The following ANKRD54 variants were observed in gnomAD, a reference collection of about 807,000 sequenced individuals.
ANKRD54 encodes the protein ankyrin repeat domain 54, also known as ankyrin repeat domain-containing protein 54.
ANKRD54 carries 26 observed loss-of-function variants against 36.2 expected under a neutral mutation model. The ratio of observed to expected loss-of-function variants is 0.72; its 90% CI spans 0.53 to 1.00. ANKRD54 has a LOEUF of 1.00. ANKRD54 is among the 50% of genes least tolerant of loss of function. ANKRD54 has a pLI of 0.00. For synonymous variants in ANKRD54, 209 were observed against 188.4 expected (o/e 1.11, Z -0.89); for missense variants, 384 against 424.3 (o/e 0.91, Z 0.83).
chr22:37,845,960 G>C (rs916034478), upstream of ANKRD54, among the ~76,000 whole-genome samples: 5 of 152,044 alleles, frequency 3.3e-5, no homozygotes, highest in African/African-American at 1.2e-4. Context: ...AGATCACGAG[G>C]TCAGGAGATT....
chr22:37,845,021 CAA>C (rs10600027), upstream of ANKRD54, among the ~76,000 whole-genome samples: 1,212 of 119,026 alleles, frequency 0.01, 10 homozygotes, highest in African/African-American at 0.015. Context: ...TCAATGAACG[CAA>C]AAAAAAAAAA....
intron 3 of ANKRD54, 30 bp downstream of exon 3, chr22:37,838,470 C>A (rs1158028916): frequency 6.3e-7 from 1 of 1,590,056 alleles, no homozygotes; most frequent in Non-Finnish European, 8.6e-7. Context: ...CTTGCCTAGC[C>A]CTACTCCCTC....
At chr22:37,833,602 G>C in intron 4 of ANKRD54, 82 bp downstream of exon 4, 1 of 1,452,954 alleles carries the variant, frequency 6.9e-7, no homozygotes, top group Non-Finnish European at 9.6e-7. Flanking sequence ...TCTGCCAGGA[G>C]CATGCCGGGC....
chr22:37,833,955 G>C, intron 3 of ANKRD54, 200 bp from the exon 4 acceptor site: 1 of 569,358 alleles, frequency 1.8e-6, no homozygotes, highest in Non-Finnish European at 3.2e-6. Flanking sequence ...CAGGAACTGA[G>C]GATTTGGGGA....
intron 3 of ANKRD54, among the ~76,000 whole-genome samples, chr22:37,835,154 G>C (rs1923370448): frequency 6.6e-6 from 1 of 151,928 alleles, no homozygotes; most frequent in Non-Finnish European, 1.5e-5. Context: ...TCGGAGGTCA[G>C]GAGTTCGAGA....
rs1924063334 is a variant in ANKRD54, at chr22:37,840,296, T to C, written c.329-62A>G. On this transcript the variant is annotated intron_variant, in intron 1 of 7. Transcript: ENST00000215941. The stretch of plus-strand genomic sequence containing the variant: ...AGCCATGGCTGGGTGCGGTGGCTCA[T>C]GCCTATAATCCCAGCACTCTGGGAG... The C allele has an allele frequency of 1.4e-5, 22 of 1,580,050 alleles. 3 individuals are homozygous for C. In the South Asian group the frequency reaches 2.3e-4, roughly 17 times the overall value.
In ANKRD54 at chr22:37,833,159, C is replaced by T; in HGVS notation, c.595G>A (p.Gly199Arg). ...VPVITTLLRGGARVDALDRAG... is the reference protein window; with the variant it reads ...VPVITTLLRGRARVDALDRAG... ...ACAGAGAGGGGAAGAAACCACATAC[C>T]TCCTCGTAGCAGTGTGGTGATGACA... Residue 199 changes from glycine (G) to arginine (R), a missense_variant and splice_region_variant, in exon 5 of 8, where the codon GGG becomes AGG. This residue lies in a region of ANKRD54 where 179 missense variants were observed against 224.0 expected (regional missense o/e 0.80). Transcript: ENST00000215941. 1 of 1,613,848 alleles carries T rather than the reference C, an allele frequency of 6.2e-7. No homozygotes were observed. Among genetic ancestry groups the T allele is most frequent in the Non-Finnish European group, 8.5e-7 (1 of 1,179,998 alleles).
rs1261865804 is a variant in ANKRD54 at position 37,832,888 on chromosome 22, T to C, written c.720+70A>G. ...AGCCCTGGGACCAGAGGCAGGTGTG[T>C]CTGTGGTTAGGGCAGCATCTGTCCA... is the stretch of plus-strand genomic sequence containing the variant. On this transcript the variant is annotated intron_variant, in intron 6 of 7. Transcript: ENST00000215941. The C allele has an allele frequency of 1.9e-6, 3 of 1,605,892 alleles. No homozygotes were observed. The African/African-American group carries it at 4.0e-5, about 21-fold the overall frequency.
chr22:37,833,634 GC>G, intron 4 of ANKRD54, 49 bp downstream of exon 4: 1 of 1,599,174 alleles, frequency 6.3e-7, no homozygotes, highest in Non-Finnish European at 8.6e-7. Context: ...CATCTAAAGA[GC>G]CTTTCTTTGC....
chr22:37,838,551 T>C lies in ANKRD54; in HGVS notation c.424A>G (p.Lys142Glu). The C allele has an allele frequency of 1.2e-6, 2 of 1,611,806 alleles. No individual in the cohort carries two copies. The highest frequency in any genetic ancestry group is 1.7e-6 in the Non-Finnish European group (2 of 1,179,262). ...DGADPCAADD[K>E]GRTALHFASC... ...GCAAAGTGTAGAGCTGTGCGGCCCTTGTCATCAGCTGCACAGGGATCCGCG... is the reference window on the plus strand; with the variant it reads ...GCAAAGTGTAGAGCTGTGCGGCCCTCGTCATCAGCTGCACAGGGATCCGCG... Residue 142 changes from lysine to glutamate, a missense_variant, in exon 3 of 8, where the codon AAG becomes GAG. By Grantham distance (56) the Lys-to-Glu change is moderately conservative (BLOSUM62 1). Coordinates refer to ENST00000215941, the MANE Select transcript of ANKRD54 (RefSeq NM_138797.4).
intron 2 of ANKRD54, among the ~76,000 whole-genome samples, chr22:37,839,955 G>T (rs1924016940): frequency 6.6e-6 from 1 of 152,248 alleles, no homozygotes; most frequent in African/African-American, 2.4e-5. Flanking sequence ...TCCACAGGGT[G>T]GTAAATGCTA....
At chr22:37,843,888 C>T in intron 1 of ANKRD54, 23 bp downstream of exon 1, 2 of 1,212,070 alleles carry the variant, frequency 1.7e-6, no homozygotes, top group South Asian at 3.8e-5. Context: ...GCCCCGGGCC[C>T]CCGCGCCGCT....
chr22:37,847,170 C>CT (rs796315633), upstream of ANKRD54, among the ~76,000 whole-genome samples: 664 of 133,178 alleles, frequency 5.0e-3, 7 homozygotes, highest in African/African-American at 0.015. Flanking sequence ...TTTCTTTTTT[C>CT]TTTTTTTTTT....
At chr22:37,841,557 C>CAA (rs1555911808) in intron 1 of ANKRD54, among the ~76,000 whole-genome samples, 5,029 of 148,568 alleles carry the variant, frequency 0.034, 286 homozygotes, top group African/African-American at 0.087. Context: ...CACACACACA[C>CAA]AAAAAACATA....
chr22:37,847,828 GAAGA>G (rs376512030), upstream of ANKRD54: 668 of 415,450 alleles, frequency 1.6e-3, 1 homozygote, highest in African/African-American at 0.013. Context: ...ACAGCACAAG[GAAGA>G]AACACAAAAC....
At chr22:37,846,340 A>G (rs188650168), upstream of ANKRD54, among the ~76,000 whole-genome samples, 74 of 152,234 alleles carry the variant, frequency 4.9e-4, no homozygotes, top group African/African-American at 1.7e-3. Flanking sequence ...CAGTGCTGAG[A>G]CAGGATCTCT....
At chr22:37,843,377 G>T (rs967466055) in intron 1 of ANKRD54, among the ~76,000 whole-genome samples, 1 of 151,970 alleles carries the variant, frequency 6.6e-6, no homozygotes, top group Non-Finnish European at 1.5e-5. Flanking sequence ...GAACCAAGAT[G>T]GCGCCACTGC....
At position 37,843,355 on chromosome 22, in the gene ANKRD54, G is replaced by T. The variant is rs187463925; in HGVS notation, c.328+556C>A. On this transcript the variant is annotated intron_variant, in intron 1 of 7. Transcript: ENST00000215941. ...GGAGAATCGCTTGAACCCGGGGGGC[G>T]GAGGTTGCAGTGAACCAAGATGGCG... 3.2e-3 allele frequency among the ~76,000 whole-genome samples: 488 copies of T among 152,224 alleles called. 3 individuals carry two copies. Among genetic ancestry groups the T allele is most frequent in the Middle Eastern group, 0.017 (5 of 294 alleles).
chr22:37,838,576 G>A lies in ANKRD54; in HGVS notation c.399C>T (p.Gly133=), dbSNP rs144208832. ...VETVQQLLED[G]ADPCAADDKG... ...TGTCATCAGCTGCACAGGGATCCGC[G>A]CCATCTTCCAGCAGCTGCTGCACTG... Residue 133 remains glycine (G), a synonymous_variant, in exon 3 of 8, where the codon GGC becomes GGT. Transcript: ENST00000215941. 1.9e-6 allele frequency: 3 copies of A among 1,610,922 alleles called. No individual in the cohort carries two copies. Among genetic ancestry groups the A allele is most frequent in the Non-Finnish European group, 8.5e-7 (1 of 1,179,140 alleles).
Sources: gnomAD v4.1 joint callset for allele counts (sites outside exome capture counted in the v4.1 genomes callset) on GRCh38, gnomAD v4.1.1 for gene constraint, gnomAD v4.1.1 regional missense constraint, MANE v1.5 for transcripts, NCBI Gene and HGNC (gene_info 2026-07-23, HGNC 2026-07-21) for gene names.